Variants in ZNF532 observed in about 807,000 individuals in gnomAD.
ZNF532 encodes the protein zinc finger protein 532.
In ZNF532, 22 loss-of-function variants were observed where a neutral mutation model predicts 89.3. That is an observed-to-expected ratio of 0.25 (90% CI 0.18 to 0.35). The LOEUF is 0.35. Among genes scored for constraint, ZNF532 ranks in the 10% least tolerant of loss-of-function variants. ZNF532 has a pLI of 1.00. For synonymous variants in ZNF532, 606 were observed against 649.6 expected (o/e 0.93, Z 1.02); for missense variants, 1,132 against 1,643.4 (o/e 0.69, Z 5.38).
rs182279013 is a variant in ZNF532 at position 58,893,866 on chromosome 18, G to C, written c.-17-24405G>C. 6.4e-3 allele frequency among the ~76,000 whole-genome samples: 968 copies of C among 152,250 alleles called. 7 individuals carry two copies. Among genetic ancestry groups the C allele is most frequent in the Middle Eastern group, 0.02 (6 of 294 alleles). On this transcript the variant is annotated intron_variant, in intron 2 of 9. Coordinates refer to ENST00000591808, the MANE Select transcript of ZNF532 (RefSeq NM_001375912.1). ...GCAGTGGTTACATGGGGGTAGAATG[G>C]TGACTCGTTTTTACCTGACTGTGGA...
At chr18:58,888,865 TATA>T (rs2058645647) in intron 2 of ZNF532, among the ~76,000 whole-genome samples, 2 of 51,910 alleles carry the variant, frequency 3.9e-5, no homozygotes, top group Non-Finnish European at 3.1e-5. Flanking sequence ...TTTATATATA[TATA>T]ATATATATTA....
At chr18:58,880,558 A>G (rs564582871) in intron 2 of ZNF532, among the ~76,000 whole-genome samples, 1 of 152,320 alleles carries the variant, frequency 6.6e-6, no homozygotes, top group South Asian at 2.1e-4. Context: ...CTCTTTACTC[A>G]GAAATTGCAA....
rs78481798 is a variant in ZNF532, at chr18:58,868,317, G to A, written c.-18+2738G>A. ...GATCTTTAACTAAGTCATGGTTAAA[G>A]AATTAGCTTAAAAAAATTTAAAATT... On this transcript the variant is annotated intron_variant, in intron 2 of 9. Transcript: ENST00000591808. 5.9e-3 allele frequency among the ~76,000 whole-genome samples: 899 copies of A among 152,322 alleles called. 68 individuals are homozygous for A. In the East Asian group the frequency reaches 0.15, roughly 25 times the overall value.
At chr18:58,900,215 G>T (rs1006317571) in intron 2 of ZNF532, among the ~76,000 whole-genome samples, 1 of 152,180 alleles carries the variant, frequency 6.6e-6, no homozygotes, top group Non-Finnish European at 1.5e-5. Flanking sequence ...TGGACTCATC[G>T]GAGGATCGCA....
rs773253363 is a variant in ZNF532, at chr18:58,939,437, T to C, written c.2529-8T>C. On this transcript the variant is annotated splice_polypyrimidine_tract_variant and splice_region_variant and intron_variant, in intron 4 of 9. Coordinates refer to ENST00000591808, the MANE Select transcript of ZNF532 (RefSeq NM_001375912.1). The stretch of plus-strand genomic sequence containing the variant: ...GTGCTAATGACCGTGTGTTTATTTT[T>C]CTAACAGATGTGTGCATTGCAATGT... The C allele has an allele frequency of 3.1e-6, 5 of 1,608,090 alleles. No homozygotes were observed. The East Asian group carries it at 8.9e-5, about 29-fold the overall frequency.
intron 3 of ZNF532, 127 bp from the exon 4 acceptor site, chr18:58,934,306 C>A (rs1333981368): frequency 3.4e-6 from 3 of 880,414 alleles, no homozygotes; most frequent in Admixed American, 5.0e-5. Context: ...TTCCCTTGGG[C>A]TTAGAATCAA....
Position 58,936,865 on chromosome 18 carries a change from A to G in ZNF532, c.2528+2251A>G, listed in dbSNP as rs1019606443. Reference sequence around the variant, plus strand: ...CATGTTTTTTGCTCCCTTTGGCTCTATAGTTACTCATTTTCAATGTGTCTT... The same window carrying G: ...CATGTTTTTTGCTCCCTTTGGCTCTGTAGTTACTCATTTTCAATGTGTCTT... On this transcript the variant is annotated intron_variant, in intron 4 of 9. Transcript: ENST00000591808. 9.2e-5 allele frequency among the ~76,000 whole-genome samples: 14 copies of G among 152,190 alleles called. No homozygotes were observed. The South Asian group carries it at 2.3e-3, about 25-fold the overall frequency.
chr18:58,883,061 T>G (rs965409375), intron 2 of ZNF532, among the ~76,000 whole-genome samples: 1 of 152,170 alleles, frequency 6.6e-6, no homozygotes, highest in Non-Finnish European at 1.5e-5. Context: ...AAGCTGTTGG[T>G]GTCTTTGATG....
Position 58,919,518 on chromosome 18 carries a change from G to C in ZNF532, c.1231G>C (p.Ala411Pro), listed in dbSNP as rs751039385. The change falls in exon 3 of 10, where the codon GCA becomes CCA. Residue 411 changes from alanine (A) to proline (P), a missense_variant. Ala to Pro is a conservative substitution (Grantham distance 27). This residue lies in a region of ZNF532 where 124 missense variants were observed against 191.6 expected (regional missense o/e 0.65). Coordinates refer to ENST00000591808, the MANE Select transcript of ZNF532 (RefSeq NM_001375912.1). The surrounding 1 kb of genome is among the most constrained non-coding windows in gnomAD (Gnocchi z 6.1). Reference protein sequence around the residue: ...ASVTSLLSSPASAAVLSSPPR... With the variant: ...ASVTSLLSSPPSAAVLSSPPR... ...TGTGACATCCCTTCTGTCGTCTCCA[G>C]CATCAGCCGCCGTCCTTTCCTCTCC... 1 of 1,614,148 alleles carries C rather than the reference G, an allele frequency of 6.2e-7. No individual in the cohort carries two copies. The highest frequency in any genetic ancestry group is 1.7e-5 in the Admixed American group (1 of 60,008).
intron 7 of ZNF532, among the ~76,000 whole-genome samples, chr18:58,955,529 G>T (rs2064679419): frequency 1.3e-5 from 2 of 152,172 alleles, no homozygotes; most frequent in African/African-American, 4.8e-5. Flanking sequence ...TGAGCAGTTT[G>T]CTCTATTAAA....
chr18:58,980,588 G>A (rs1207234879), intron 8 of ZNF532: 2 of 152,170 alleles, frequency 1.3e-5, no homozygotes, highest in Admixed American at 1.3e-4. Flanking sequence ...CCTTCCCTCA[G>A]TAGCATTCTT....
At position 58,920,604 on chromosome 18, in the gene ZNF532, T is replaced by A; in HGVS notation, c.2317T>A (p.Phe773Ile). 1 of 1,596,644 alleles carries A rather than the reference T, an allele frequency of 6.3e-7. No individual in the cohort carries two copies. Among genetic ancestry groups the A allele is most frequent in the Non-Finnish European group, 8.6e-7 (1 of 1,168,524 alleles). ...FQDETSLATH[F>I]QQAADTSGQK... ...GGACGAGACATCACTGGCTACACAT[T>A]TCCAGCAGGCTGCAGATACGAGTGG... The change falls in exon 3 of 10, where the codon TTC becomes ATC. Residue 773 changes from phenylalanine (F) to isoleucine (I), a missense_variant. By Grantham distance (21) the Phe-to-Ile change is conservative (BLOSUM62 0). This residue lies in a region of ZNF532 where 100 missense variants were observed against 122.0 expected (regional missense o/e 0.82). Coordinates refer to ENST00000591808, the MANE Select transcript of ZNF532 (RefSeq NM_001375912.1).
At chr18:58,873,510 G>A (rs1602497338) in intron 2 of ZNF532, among the ~76,000 whole-genome samples, 1 of 151,706 alleles carries the variant, frequency 6.6e-6, no homozygotes, top group Non-Finnish European at 1.5e-5. Flanking sequence ...GTGCAATGGC[G>A]CAATCTTGGC....
intron 5 of ZNF532, among the ~76,000 whole-genome samples, chr18:58,940,958 A>ACACT (rs1209329621): frequency 1.5e-5 from 2 of 131,812 alleles, no homozygotes; most frequent in African/African-American, 5.6e-5. Flanking sequence ...ACACACACAC[A>ACACT]CTCTTTCTCT....
chr18:58,957,731 C>G (rs1486405894), intron 7 of ZNF532, among the ~76,000 whole-genome samples: 1 of 152,034 alleles, frequency 6.6e-6, no homozygotes, highest in Non-Finnish European at 1.5e-5. Context: ...GTATACAGTT[C>G]AATTTATTGA....
chr18:58,883,982 A>C (rs1322192498), intron 2 of ZNF532, among the ~76,000 whole-genome samples: 1 of 152,218 alleles, frequency 6.6e-6, no homozygotes. Context: ...ATCCCCAGAG[A>C]AGTAGGTTAC....
chr18:58,919,031 G>A lies in ZNF532; in HGVS notation c.744G>A (p.Lys248=). The change falls in exon 3 of 10, where the codon AAG becomes AAA. Residue 248 remains lysine (K), a synonymous_variant. Transcript: ENST00000591808. This position sits in a 1 kb window ranked among gnomAD's most constrained non-coding sequence, Gnocchi z 6.1. ...RVLDGKLSSE[K]NDTSLPSVAP... The stretch of plus-strand genomic sequence containing the variant: ...TAGATGGGAAGCTGAGCTCCGAGAA[G>A]AATGACACCAGCCTCCCCAGCGTTG... 1.2e-6 allele frequency: 2 copies of A among 1,613,872 alleles called. No individual in the cohort carries two copies. The highest frequency in any genetic ancestry group is 1.7e-6 in the Non-Finnish European group (2 of 1,180,032).
chr18:58,938,495 A>G (rs1429315310), intron 4 of ZNF532, among the ~76,000 whole-genome samples: 3 of 152,174 alleles, frequency 2.0e-5, no homozygotes, highest in Non-Finnish European at 1.5e-5. Flanking sequence ...TAGCTAGACA[A>G]TTTTTTTTAG....
At chr18:58,945,624 T>A (rs1309845071) in intron 5 of ZNF532, among the ~76,000 whole-genome samples, 1 of 152,240 alleles carries the variant, frequency 6.6e-6, no homozygotes, top group Non-Finnish European at 1.5e-5. Context: ...GTGGCATAGC[T>A]GTGAAATAGT....
Sources: allele counts gnomAD v4.1 joint callset (sites outside exome capture counted in the v4.1 genomes callset), GRCh38; gene constraint gnomAD v4.1.1; regional missense constraint gnomAD v4.1.1; non-coding constraint Gnocchi (gnomAD v3.1); transcripts MANE v1.5; gene names NCBI Gene and HGNC (gene_info 2026-07-23, HGNC 2026-07-21).